AKAP3: variants seen among roughly 807,000 people sequenced by gnomAD.
AKAP3 encodes A-kinase anchor protein 3.
Under a neutral mutation model 57.2 loss-of-function variants are expected in AKAP3, and 27 were observed. That is an observed-to-expected ratio of 0.47 (90% confidence interval 0.35 to 0.65). The LOEUF (loss-of-function observed/expected upper bound fraction) is 0.65, where lower values mean the gene tolerates loss of function less well. AKAP3 is among the 30% of genes least tolerant of loss of function. AKAP3 has a pLI of 0.01. For missense variants in AKAP3, 959 were observed against 1,040.0 expected, an observed-to-expected ratio of 0.92 and a Z score of 1.07; for synonymous variants, 334 against 392.3, an observed-to-expected ratio of 0.85 and a Z score of 1.76.
chr12:4,642,202 C>T (rs1004341993), intron 2 of AKAP3, among the ~76,000 whole-genome samples, 198 bp from the exon 3 acceptor site: 1 of 152,172 alleles, frequency 6.6e-6, no homozygotes, highest in Non-Finnish European at 1.5e-5. Flanking sequence ...AAAGGTTGCA[C>T]TTTTGGGCCA....
intron 4 of AKAP3, among the ~76,000 whole-genome samples, chr12:4,637,553 A>C (rs1272469544): frequency 1.3e-5 from 2 of 152,172 alleles, no homozygotes; most frequent in Admixed American, 6.5e-5. Context: ...TTAATAAATA[A>C]TTTTTAAATG....
rs1555126704 is a variant in AKAP3, at chr12:4,624,809, G to GGTGTGTGTGT, written c.2406+1677_2406+1686dup. 1.1e-4 allele frequency among the ~76,000 whole-genome samples: 10 copies of GGTGTGTGTGT among 87,868 alleles called. No individual in the cohort carries two copies. In the South Asian group the frequency reaches 1.7e-3, roughly 15 times the overall value. 57.6% of individuals were successfully genotyped at this position (87,868 alleles called of 152,430 possible). A position where few individuals can be genotyped will look rare whatever the true frequency, so the allele number is the denominator to read the frequency against. ...TGGCTTTATCTTTAGAGTAGACAAA[G>GGTGTGTGTGT]GTGTGTGTGTGTGTGTATATAAAAG... On this transcript the variant is annotated intron_variant, in intron 5 of 5. Coordinates refer to ENST00000228850, the MANE Select transcript of AKAP3 (RefSeq NM_001278309.2).
At chr12:4,639,445 C>T (rs1014194869) in intron 3 of AKAP3, among the ~76,000 whole-genome samples, 21 of 151,872 alleles carry the variant, frequency 1.4e-4, no homozygotes, top group Admixed American at 2.0e-4. Context: ...TAAAATTATA[C>T]TTTTAAGTTC....
At position 4,615,695 on chromosome 12, in the gene AKAP3, G is replaced by A; in HGVS notation, c.*44C>T. On this transcript the variant is annotated 3_prime_UTR_variant, in exon 6 of 6. Transcript: ENST00000228850. Reference sequence around the variant, plus strand: ...GTGAGAAAGAAGGGCGGGGATAAGGGCCGGCCCCACTGCCAGAAGAGGGGA... The same window carrying A: ...GTGAGAAAGAAGGGCGGGGATAAGGACCGGCCCCACTGCCAGAAGAGGGGA... 6.3e-7 allele frequency: 1 copy of A among 1,597,364 alleles called. No individual in the cohort carries two copies.
Position 4,627,173 on chromosome 12 carries a change from G to C in AKAP3, c.1729C>G (p.Pro577Ala), listed in dbSNP as rs768280942. ...GCTTGTTCTTGGTCACCTACAATGG[G>C]AGCAGACTTAAGGCAAGATTCATCG... is the stretch of plus-strand genomic sequence containing the variant. ...APDESCLKSA[P>A]IVGDQEQAEK... Residue 577 changes from proline (P) to alanine (A), a missense_variant, in exon 5 of 6, where the codon CCC (proline) becomes GCC (alanine). By Grantham distance (27) the Pro-to-Ala change is conservative. Coordinates refer to ENST00000228850, the MANE Select transcript of AKAP3 (RefSeq NM_001278309.2). 3.0e-5 allele frequency: 49 copies of C among 1,613,974 alleles called. No homozygotes were observed. Among genetic ancestry groups the C allele is most frequent in the Non-Finnish European group, 4.1e-5 (48 of 1,180,038 alleles).
intron 5 of AKAP3, among the ~76,000 whole-genome samples, chr12:4,620,517 A>T (rs1436779726): frequency 1.3e-5 from 2 of 150,964 alleles, no homozygotes; most frequent in African/African-American, 2.4e-5. Context: ...ACCCTACTTC[A>T]TACCTTATAT....
intron 4 of AKAP3, among the ~76,000 whole-genome samples, chr12:4,633,186 C>T (rs1396128610): frequency 6.6e-6 from 1 of 151,016 alleles, no homozygotes; most frequent in African/African-American, 2.4e-5. Context: ...CTTTGGGAGG[C>T]TGAGGAGGGC....
chr12:4,637,857 T>G (rs1945586057), intron 4 of AKAP3, among the ~76,000 whole-genome samples: 1 of 152,154 alleles, frequency 6.6e-6, no homozygotes. Context: ...ATGATATATG[T>G]TATACAGCTT....
chr12:4,621,887 TACAACAACA>T (rs928892632), intron 5 of AKAP3, among the ~76,000 whole-genome samples: 3 of 151,804 alleles, frequency 2.0e-5, no homozygotes, highest in Non-Finnish European at 4.4e-5. Flanking sequence ...AGAAACAAAC[TACAACAACA>T]ACAACAACAA....
chr12:4,620,299 G>A (rs1332083208), intron 5 of AKAP3, among the ~76,000 whole-genome samples: 1 of 151,842 alleles, frequency 6.6e-6, no homozygotes, highest in South Asian at 2.1e-4. Context: ...AGACCAGCCT[G>A]GCCAAGATGG....
chr12:4,637,776 CT>C (rs1172600331), intron 4 of AKAP3, among the ~76,000 whole-genome samples: 2 of 152,154 alleles, frequency 1.3e-5, no homozygotes, highest in Non-Finnish European at 2.9e-5. Flanking sequence ...CAATTCCTCT[CT>C]GTTTGAAAAT....
chr12:4,639,160 C>T (rs558299226), intron 3 of AKAP3, among the ~76,000 whole-genome samples: 47 of 152,222 alleles, frequency 3.1e-4, no homozygotes, highest in Non-Finnish European at 4.1e-4. Context: ...TCCACAACAC[C>T]GAATCTTACT....
At chr12:4,619,420 G>A (rs952941326) in intron 5 of AKAP3, among the ~76,000 whole-genome samples, 1 of 151,874 alleles carries the variant, frequency 6.6e-6, no homozygotes, top group Non-Finnish European at 1.5e-5. Context: ...AACTGGGCAT[G>A]GTGGGGGATG....
At position 4,626,730 on chromosome 12, in the gene AKAP3, C is replaced by T. The variant is rs535102762; in HGVS notation, c.2172G>A (p.Gly724=). The change falls in exon 5 of 6, where the codon GGG becomes GGA. Residue 724 remains glycine, a synonymous_variant. Coordinates refer to ENST00000228850, the MANE Select transcript of AKAP3 (RefSeq NM_001278309.2). ...LYECLPAKGT[G]SAEAVLQNAY... Reference sequence around the variant, plus strand: ...CATTCTGCAGGACAGCTTCTGCTGACCCTGTGCCCTTGGCTGGTAAGCACT... The same window carrying T: ...CATTCTGCAGGACAGCTTCTGCTGATCCTGTGCCCTTGGCTGGTAAGCACT... The T allele has an allele frequency of 1.9e-6, 3 of 1,614,070 alleles. No individual in the cohort carries two copies. Among genetic ancestry groups the T allele is most frequent in the South Asian group, 2.2e-5 (2 of 91,082 alleles).
chr12:4,616,269 G>T (rs1401307803), intron 5 of AKAP3, among the ~76,000 whole-genome samples: 1 of 152,146 alleles, frequency 6.6e-6, no homozygotes, highest in East Asian at 1.9e-4. Context: ...GAGCAAAAAG[G>T]CACCTCAGAG....
chr12:4,619,574 C>CAA (rs59073106), intron 5 of AKAP3, among the ~76,000 whole-genome samples: 4 of 151,360 alleles, frequency 2.6e-5, no homozygotes, highest in African/African-American at 9.7e-5. Context: ...ACAACAACAA[C>CAA]AAAAAAACAT....
At chr12:4,645,031 T>C (rs78712892) in intron 2 of AKAP3, 24 bp downstream of exon 2, 35 of 152,370 alleles carry the variant, frequency 2.3e-4, no homozygotes, top group African/African-American at 7.9e-4. Flanking sequence ...TGGGCTGTTT[T>C]ATCAGTCCAG....
At chr12:4,635,464 C>T in intron 4 of AKAP3, 3 of 684,952 alleles carry the variant, frequency 4.4e-6, no homozygotes, top group South Asian at 1.6e-5. Context: ...TTAGCTATTG[C>T]CACGAACATT....
At chr12:4,635,400 C>G in intron 4 of AKAP3, 1 of 718,610 alleles carries the variant, frequency 1.4e-6, no homozygotes, top group South Asian at 1.5e-5. Context: ...GGCTACTCCT[C>G]TTTTTCTGGC....
Sources: allele counts gnomAD v4.1 joint callset (sites outside exome capture counted in the v4.1 genomes callset), GRCh38; gene constraint gnomAD v4.1.1; transcripts MANE v1.5; gene names NCBI Gene and HGNC (gene_info 2026-07-23, HGNC 2026-07-21).